Variants in SLC27A4 observed in about 807,000 individuals in gnomAD.
The protein encoded by SLC27A4 is solute carrier family 27 member 4.
In SLC27A4, 33 loss-of-function variants were observed where a neutral mutation model predicts 64.4. The ratio of observed to expected loss-of-function variants is 0.51; its 90% CI spans 0.39 to 0.68. SLC27A4 has a LOEUF of 0.68. SLC27A4 is among the 30% of genes least tolerant of loss of function. The pLI, the probability that SLC27A4 is intolerant of heterozygous loss-of-function variation, is 0.00. For missense variants in SLC27A4, 824 were observed against 883.5 expected (o/e 0.93, Z 0.85); for synonymous variants, 377 against 370.0 (o/e 1.02, Z -0.22).
chr9:128,343,600 CTG>C (rs1266648380), intron 2 of SLC27A4, among the ~76,000 whole-genome samples: 3 of 152,126 alleles, frequency 2.0e-5, no homozygotes, highest in African/African-American at 4.8e-5. Context: ...CCTGAGGACT[CTG>C]TAAGTTTATG....
chr9:128,342,447 G>A, intron 1 of SLC27A4: 8 of 1,570,292 alleles, frequency 5.1e-6, no homozygotes, highest in Non-Finnish European at 7.0e-6. Flanking sequence ...GTTTAACTTT[G>A]TAAGATGCAA....
chr9:128,350,213 A>C, intron 4 of SLC27A4, 99 bp from the exon 5 acceptor site: 1 of 898,164 alleles, frequency 1.1e-6, no homozygotes, highest in Non-Finnish European at 1.8e-6. Flanking sequence ...TGTGATGGGA[A>C]CAGGTGTTGA....
At chr9:128,350,182 G>T in intron 4 of SLC27A4, 130 bp from the exon 5 acceptor site, 1 of 749,486 alleles carries the variant, frequency 1.3e-6, no homozygotes, top group South Asian at 1.6e-5. Flanking sequence ...GAGGTTATCA[G>T]AACAGGCTTC....
At chr9:128,348,496 G>T (rs1204146897) in intron 3 of SLC27A4, 49 bp from the exon 4 acceptor site, 2 of 1,608,888 alleles carry the variant, frequency 1.2e-6, no homozygotes, top group Non-Finnish European at 1.7e-6. Context: ...AGGTCCCTGG[G>T]AACATGGGGT....
At position 128,353,826 on chromosome 9, in the gene SLC27A4, C is replaced by A. The variant is rs549014094; in HGVS notation, c.1324+285C>A. On this transcript the variant is annotated intron_variant, in intron 9 of 12. Coordinates refer to ENST00000300456, the MANE Select transcript of SLC27A4 (RefSeq NM_005094.4). The surrounding 1 kb of genome is among the most constrained non-coding windows in gnomAD (Gnocchi z 4.9). ...TGGCGGGATCTCGGCTCACTGCAAG[C>A]TCCGCCTCCCGGGTTCACGCCATTC... Among the ~76,000 whole-genome samples, 1 of 149,476 alleles carries A rather than the reference C, an allele frequency of 6.7e-6. No individual in the cohort carries two copies. Among genetic ancestry groups the A allele is most frequent in the Non-Finnish European group, 1.5e-5 (1 of 67,592 alleles).
At position 128,342,272 on chromosome 9, in the gene SLC27A4, A is replaced by G. The variant is rs533865978; in HGVS notation, c.-6-855A>G. 117 of 1,611,436 alleles carry G rather than the reference A, an allele frequency of 7.3e-5. 1 individual carries two copies. Among genetic ancestry groups the G allele is most frequent in the South Asian group, 6.9e-4 (63 of 90,998 alleles). On this transcript the variant is annotated intron_variant, in intron 1 of 12. Transcript: ENST00000300456. The stretch of plus-strand genomic sequence containing the variant: ...GATATGGCTGAGATTGAGAAATTCG[A>G]TAAGTCGAAACTGAAGAAGACAGAG...
chr9:128,360,229 T>C (rs1832877494), intron 12 of SLC27A4, 105 bp from the exon 13 acceptor site: 1 of 1,278,176 alleles, frequency 7.8e-7, no homozygotes, highest in South Asian at 1.2e-5. Context: ...TTCCCTCCCC[T>C]GTTTGTCCTC....
intron 4 of SLC27A4, among the ~76,000 whole-genome samples, chr9:128,349,733 A>C (rs1355674817): frequency 6.6e-6 from 1 of 152,150 alleles, no homozygotes; most frequent in Non-Finnish European, 1.5e-5. Flanking sequence ...CAAGTCTGGT[A>C]GGGCCGAGCC....
rs1005884979 is a variant in SLC27A4 at position 128,353,290 on chromosome 9, C to T, written c.1197+56C>T. On this transcript the variant is annotated intron_variant, in intron 8 of 12. Transcript: ENST00000300456. This position sits in a 1 kb window ranked among gnomAD's most constrained non-coding sequence, Gnocchi z 4.9. ...CTGCAGGGATGGCCCACAGAAGGCACTGGATGCAGAGGGGAGGGCAGAGTT... is the reference window on the plus strand; with the variant it reads ...CTGCAGGGATGGCCCACAGAAGGCATTGGATGCAGAGGGGAGGGCAGAGTT... 1.2e-6 allele frequency: 2 copies of T among 1,608,412 alleles called. No homozygotes were observed. The highest frequency in any genetic ancestry group is 2.2e-5 in the South Asian group (2 of 90,948).
chr9:128,355,181 T>C lies in SLC27A4; in HGVS notation c.1453T>C (p.Tyr485His). Residue 485 changes from tyrosine to histidine, a missense_variant, in exon 10 of 13, where the codon TAC becomes CAC. Tyr to His is a moderately conservative substitution (Grantham distance 83). Transcript: ENST00000300456. ...TGTCTTCAAGAAGGGGGACCAGGCC[T>C]ACCTTACTGGTGGGTCCCCAGCCCT... ...KDVFKKGDQA[Y>H]LTGDVLVMDE... The C allele has an allele frequency of 6.2e-7, 1 of 1,613,608 alleles. No individual in the cohort carries two copies. Among genetic ancestry groups the C allele is most frequent in the Non-Finnish European group, 8.5e-7 (1 of 1,179,836 alleles).
At chr9:128,342,550 A>G (rs550992218) in intron 1 of SLC27A4, 109 of 684,150 alleles carry the variant, frequency 1.6e-4, no homozygotes, top group African/African-American at 1.3e-3. Flanking sequence ...CCATCTGTCT[A>G]TCTGGCTGGC....
At chr9:128,352,947 G>C in intron 7 of SLC27A4, 78 bp from the exon 8 acceptor site, 1 of 1,320,384 alleles carries the variant, frequency 7.6e-7, no homozygotes, top group Non-Finnish European at 1.1e-6. Context: ...GGGAGAGTAG[G>C]GGCTTGAGGG....
intron 3 of SLC27A4, among the ~76,000 whole-genome samples, chr9:128,346,852 A>T (rs1832664765): frequency 6.6e-6 from 1 of 151,858 alleles, no homozygotes; most frequent in Non-Finnish European, 1.5e-5. Flanking sequence ...ATGCAAAAAA[A>T]AACCTAGCCG....
chr9:128,340,792 A>ACCGGGCC lies in SLC27A4; in HGVS notation c.-52_-46dup. On this transcript the variant is annotated 5_prime_UTR_variant, in exon 1 of 13. Coordinates refer to ENST00000300456, the MANE Select transcript of SLC27A4 (RefSeq NM_005094.4). ...CCCTCACGCTGTCTACGCTGCTGCA[A>ACCGGGCC]CCGGGCCGCATCTGGACGGGGCGCC... is the stretch of plus-strand genomic sequence containing the variant. 1.5e-6 allele frequency: 1 copy of ACCGGGCC among 685,876 alleles called. No homozygotes were observed. The allele number at this position is 685,876 out of a possible 1,614,324, so 42.5% of individuals were successfully genotyped here.
intron 12 of SLC27A4, among the ~76,000 whole-genome samples, chr9:128,359,566 A>C (rs998749903): frequency 1.1e-4 from 16 of 152,258 alleles, no homozygotes; most frequent in African/African-American, 3.9e-4. Context: ...CCGAGGTTGC[A>C]GTGAGCCAAG....
In SLC27A4 at chr9:128,353,362, C is replaced by G. The variant is rs944379291; in HGVS notation, c.1198-53C>G. ...TGGAGTCCCACTTCCCCCTCATTGT[C>G]CAGTTTTGGGCCCATGGTGAGAGAG... On this transcript the variant is annotated intron_variant, in intron 8 of 12. Transcript: ENST00000300456. This position sits in a 1 kb window ranked among gnomAD's most constrained non-coding sequence, Gnocchi z 4.9. 42 of 1,613,994 alleles carry G rather than the reference C, an allele frequency of 2.6e-5. No individual in the cohort carries two copies. Among genetic ancestry groups the G allele is most frequent in the Non-Finnish European group, 3.4e-5 (40 of 1,179,968 alleles).
rs1435921628 is a variant in SLC27A4, at chr9:128,353,492, C to T, written c.1275C>T (p.Thr425=). The change falls in exon 9 of 13, where the codon ACC becomes ACT. Residue 425 remains threonine, a synonymous_variant. Transcript: ENST00000300456. This position sits in a 1 kb window ranked among gnomAD's most constrained non-coding sequence, Gnocchi z 4.9. ...PIRLVRVNED[T]MELIRGPDGV... ...GGTTGGTACGTGTCAACGAGGACAC[C>T]ATGGAGCTGATCCGGGGGCCCGACG... 6.2e-7 allele frequency: 1 copy of T among 1,614,012 alleles called. No individual in the cohort carries two copies. Among genetic ancestry groups the T allele is most frequent in the Non-Finnish European group, 8.5e-7 (1 of 1,180,034 alleles).
intron 3 of SLC27A4, 81 bp from the exon 4 acceptor site, chr9:128,348,464 T>C: frequency 6.4e-7 from 1 of 1,565,684 alleles, no homozygotes. Flanking sequence ...CTCAGCAACA[T>C]GGCCAGCCCT....
chr9:128,343,103 C>T (rs763874089), intron 1 of SLC27A4, 24 bp from the exon 2 acceptor site: 2 of 1,612,176 alleles, frequency 1.2e-6, no homozygotes, highest in East Asian at 2.2e-5. Context: ...GTGTTTGGGT[C>T]CACTAACTGC....
Sources: gnomAD v4.1 joint callset for allele counts (sites outside exome capture counted in the v4.1 genomes callset) on GRCh38, gnomAD v4.1.1 for gene constraint, Gnocchi (gnomAD v3.1) non-coding constraint, MANE v1.5 for transcripts, NCBI Gene and HGNC (gene_info 2026-07-23, HGNC 2026-07-21) for gene names.